The following ZNF48 variants were observed in gnomAD, a reference collection of about 807,000 sequenced individuals.
The protein encoded by ZNF48 is zinc finger protein 48.
A neutral mutation model predicts 40.0 loss-of-function variants in ZNF48; 20 were observed. The ratio of observed to expected loss-of-function variants is 0.50; its 90% CI spans 0.35 to 0.73. The LOEUF is 0.73. Ranked by LOEUF, ZNF48 falls within the 30% of genes least tolerant of loss-of-function variation. The pLI is 0.01. For synonymous variants in ZNF48, 298 were observed against 329.7 expected (o/e 0.90, Z 1.04); for missense variants, 726 against 851.9 (o/e 0.85, Z 1.84).
chr16:30,380,132 G>T, intron 1 of ZNF48: 1 of 953,900 alleles, frequency 1.0e-6, no homozygotes, highest in Non-Finnish European at 1.5e-6. Context: ...GGTGGTCAGA[G>T]ACAGAGAGAA....
Position 30,381,053 on chromosome 16 carries a change from A to T in ZNF48, c.-16+2643A>T. On this transcript the variant is annotated intron_variant, in intron 1 of 2. Transcript: ENST00000528032. This position sits in a 1 kb window ranked among gnomAD's most constrained non-coding sequence, Gnocchi z 4.3. The stretch of plus-strand genomic sequence containing the variant: ...CACCATGCTCCAGAAAGGCCACTTC[A>T]AGATCAAAGAAGTCTAAGCTGAAAT... The T allele has an allele frequency of 8.2e-7, 1 of 1,218,456 alleles. No individual in the cohort carries two copies. The highest frequency in any genetic ancestry group is 1.2e-6 in the Non-Finnish European group (1 of 820,026). 75.5% of individuals were successfully genotyped at this position (1,218,456 alleles called of 1,614,324 possible). A position where few individuals can be genotyped will look rare whatever the true frequency, so the allele number is the denominator to read the frequency against.
intron 1 of ZNF48, chr16:30,380,673 G>C (rs2049832133): frequency 1.1e-5 from 2 of 176,282 alleles, no homozygotes; most frequent in Non-Finnish European, 2.5e-5. Flanking sequence ...AAGAGGCTGA[G>C]GCAGGAGGAT....
upstream of ZNF48, among the ~76,000 whole-genome samples, chr16:30,392,468 T>C (rs2049950454): frequency 1.3e-5 from 2 of 152,162 alleles, no homozygotes; most frequent in Admixed American, 6.6e-5. Flanking sequence ...AGGTTTTCAA[T>C]TAGTATGTGG....
At chr16:30,388,991 T>C (rs1401356426) in intron 1 of ZNF48, among the ~76,000 whole-genome samples, 1 of 152,148 alleles carries the variant, frequency 6.6e-6, no homozygotes, top group African/African-American at 2.4e-5. Flanking sequence ...CCGGGTGTGG[T>C]GGCTCACGCC....
intron 1 of ZNF48, among the ~76,000 whole-genome samples, chr16:30,388,140 T>A (rs2049915705): frequency 6.6e-6 from 1 of 151,746 alleles, no homozygotes; most frequent in Admixed American, 6.6e-5. Context: ...TTGGCTAATT[T>A]TTTTTGTATT....
Position 30,398,703 on chromosome 16 carries a change from G to T in ZNF48, c.1453G>T (p.Gly485Cys). The T allele has an allele frequency of 6.2e-7, 1 of 1,613,546 alleles. No homozygotes were observed. Among genetic ancestry groups the T allele is most frequent in the Non-Finnish European group, 8.5e-7 (1 of 1,179,908 alleles). The change falls in exon 3 of 3, where the codon GGC (glycine) becomes TGC (cysteine). Residue 485 changes from glycine to cysteine, a missense_variant. Transcript: ENST00000613509. This position sits in a 1 kb window ranked among gnomAD's most constrained non-coding sequence, Gnocchi z 6.6. ...GAAACCCTACCTCTGTCCTGAATGC[G>T]GCAAGGGTTTTGCTGACAGCTCAGC... ...GEKPYLCPEC[G>C]KGFADSSARV...
upstream of ZNF48, chr16:30,395,362 C>T (rs999735195): frequency 1.1e-5 from 5 of 451,628 alleles, no homozygotes; most frequent in African/African-American, 8.0e-5. The surrounding 1 kb of genome is among the most constrained non-coding windows in gnomAD (Gnocchi z 5.9). Flanking sequence ...CCCACAGGCC[C>T]GCAGCTCCTC....
intron 1 of ZNF48, chr16:30,380,025 A>T: frequency 6.2e-7 from 1 of 1,610,460 alleles, no homozygotes. Context: ...CCTTCAACTG[A>T]TCCCGGATCT....
rs190568611 is a variant in ZNF48, at chr16:30,397,288, G to A, written c.80-42G>A. The A allele has an allele frequency of 6.1e-5, 95 of 1,551,998 alleles. No individual in the cohort carries two copies. Among genetic ancestry groups the A allele is most frequent in the Middle Eastern group, 1.8e-4 (1 of 5,706 alleles). On this transcript the variant is annotated intron_variant, in intron 2 of 2. Coordinates refer to ENST00000613509, the MANE Select transcript of ZNF48 (RefSeq NM_001214909.2). This position sits in a 1 kb window ranked among gnomAD's most constrained non-coding sequence, Gnocchi z 4.1. ...GAGGTTGCTGTCAAAGATAAGTACC[G>A]AGCCAAAGGGGAGGGTCTACAACTT...
At chr16:30,390,898 A>G (rs144297058), upstream of ZNF48, among the ~76,000 whole-genome samples, 1,133 of 151,706 alleles carry the variant, frequency 7.5e-3, 11 homozygotes, top group Non-Finnish European at 0.012. Context: ...TGCTGGGATT[A>G]CAGGCGTGAG....
At position 30,397,758 on chromosome 16, in the gene ZNF48, G is replaced by A; in HGVS notation, c.508G>A (p.Ala170Thr). ...TCATAGTGGGGAGAAGCCCTATAGA[G>A]CCCGGCCACCAGCCCAGGGTCCCCC... ...RTHSGEKPYR[A>T]RPPAQGPPKI... Residue 170 changes from alanine to threonine, a missense_variant, in exon 3 of 3, where the codon GCC (alanine) becomes ACC (threonine). Around this residue, in one of 5 missense-constraint regions of ZNF48, gnomAD observed 378 missense variants for 449.1 expected, o/e 0.84. Transcript: ENST00000613509. This position sits in a 1 kb window ranked among gnomAD's most constrained non-coding sequence, Gnocchi z 4.1. The A allele has an allele frequency of 6.2e-7, 1 of 1,613,530 alleles. No homozygotes were observed. Among genetic ancestry groups the A allele is most frequent in the South Asian group, 1.1e-5 (1 of 91,068 alleles).
Position 30,385,454 on chromosome 16 carries a change from G to A in ZNF48, c.-16+7044G>A, listed in dbSNP as rs1033169691. Among the ~76,000 whole-genome samples, 10 of 151,404 alleles carry A rather than the reference G, an allele frequency of 6.6e-5. 1 individual carries two copies. Among genetic ancestry groups the A allele is most frequent in the East Asian group, 3.9e-4 (2 of 5,116 alleles). ...ATCCTGGCCAACATGGTGAAACCCC[G>A]TCTCTACTAAAAATACAAAAATTAG... is the stretch of plus-strand genomic sequence containing the variant. On this transcript the variant is annotated intron_variant, in intron 1 of 2. Coordinates refer to the ZNF48 transcript ENST00000528032.
rs765950053 is a variant in ZNF48, at chr16:30,381,170, G to C, written c.-16+2760G>C. ...GGTTTCCTGGGGCATCAGAGCATCC[G>C]CTTTGCCAATGACTGGGATGATGTT... is the stretch of plus-strand genomic sequence containing the variant. On this transcript the variant is annotated intron_variant, in intron 1 of 2. Transcript: ENST00000528032. The surrounding 1 kb of genome is among the most constrained non-coding windows in gnomAD (Gnocchi z 4.3). 1.2e-6 allele frequency: 2 copies of C among 1,614,084 alleles called. No individual in the cohort carries two copies. The highest frequency in any genetic ancestry group is 1.7e-6 in the Non-Finnish European group (2 of 1,180,000).
At chr16:30,395,011 C>G (rs1046342671), upstream of ZNF48, 8 of 284,904 alleles carry the variant, frequency 2.8e-5, no homozygotes, top group East Asian at 5.7e-4. The surrounding 1 kb of genome is among the most constrained non-coding windows in gnomAD (Gnocchi z 5.9). Context: ...TTGTTTCCCA[C>G]GTCTCGGCGC....
In ZNF48 at chr16:30,382,248, G is replaced by T; in HGVS notation, c.-16+3838G>T. On this transcript the variant is annotated intron_variant, in intron 1 of 2. Transcript: ENST00000528032. The surrounding 1 kb of genome is among the most constrained non-coding windows in gnomAD (Gnocchi z 4.8). ...AGGGCCTCCTAAGGACATCCCCTCC[G>T]CAGTTCCCTCTCCAAAACCCCCAGA... 6.2e-7 allele frequency: 1 copy of T among 1,612,442 alleles called. No individual in the cohort carries two copies. The highest frequency in any genetic ancestry group is 8.5e-7 in the Non-Finnish European group (1 of 1,178,640).
Position 30,395,768 on chromosome 16 carries a change from C to A in ZNF48, c.-15-12C>A, listed in dbSNP as rs1280598404. On this transcript the variant is annotated splice_polypyrimidine_tract_variant and intron_variant, in intron 1 of 2. Coordinates refer to ENST00000613509, the MANE Select transcript of ZNF48 (RefSeq NM_001214909.2). The surrounding 1 kb of genome is among the most constrained non-coding windows in gnomAD (Gnocchi z 5.9). ...TGCGTGACCGCGGGATGCTGTCTGT[C>A]CCCTTGCTCAGGGCGGCGTGCCGGC... The A allele has an allele frequency of 2.6e-6, 4 of 1,516,942 alleles. No homozygotes were observed. The highest frequency in any genetic ancestry group is 2.6e-6 in the Non-Finnish European group (3 of 1,133,298). 94.0% of individuals were successfully genotyped at this position (1,516,942 alleles called of 1,614,324 possible).
At chr16:30,383,519 AG>A (rs1341273219) in intron 1 of ZNF48, among the ~76,000 whole-genome samples, 1 of 152,184 alleles carries the variant, frequency 6.6e-6, no homozygotes, top group African/African-American at 2.4e-5. Flanking sequence ...AAAAGAAAAA[AG>A]TGGACCAGAA....
In ZNF48 at chr16:30,398,045, C is replaced by A. The variant is rs1040491286; in HGVS notation, c.795C>A (p.Thr265=). The A allele has an allele frequency of 1.2e-6, 2 of 1,612,210 alleles. No individual in the cohort carries two copies. The highest frequency in any genetic ancestry group is 2.7e-5 in the African/African-American group (2 of 74,922). Residue 265 remains threonine (T), a synonymous_variant, in exon 3 of 3, where the codon ACC becomes ACA. Coordinates refer to ENST00000613509, the MANE Select transcript of ZNF48 (RefSeq NM_001214909.2). The surrounding 1 kb of genome is among the most constrained non-coding windows in gnomAD (Gnocchi z 6.6). ...RQPSRAATAA[T]QGPKAQDKPY... is the part of the protein sequence containing the mutation. ...CATCTCGGGCAGCCACGGCAGCTACCCAGGGACCGAAGGCCCAGGACAAGC... is the reference window on the plus strand; with the variant it reads ...CATCTCGGGCAGCCACGGCAGCTACACAGGGACCGAAGGCCCAGGACAAGC...
rs1364219321 is a variant in ZNF48 at position 30,381,087 on chromosome 16, G to A, written c.-16+2677G>A. ...GAAGTCTAAGCTGAAATCAGGTTTG[G>A]CTTCACATGGGGTCAAAGGTCAGAG... On this transcript the variant is annotated intron_variant, in intron 1 of 2. Transcript: ENST00000528032. This position sits in a 1 kb window ranked among gnomAD's most constrained non-coding sequence, Gnocchi z 4.3. 3.4e-6 allele frequency: 5 copies of A among 1,486,136 alleles called. No individual in the cohort carries two copies. Among genetic ancestry groups the A allele is most frequent in the Non-Finnish European group, 4.7e-6 (5 of 1,063,016 alleles). The allele number at this position is 1,486,136 out of a possible 1,614,324, so 92.1% of individuals were successfully genotyped here. A position where few individuals can be genotyped will look rare whatever the true frequency, so the allele number is the denominator to read the frequency against.
Sources: gnomAD v4.1 joint callset for allele counts (sites outside exome capture counted in the v4.1 genomes callset) on GRCh38, gnomAD v4.1.1 for gene constraint, gnomAD v4.1.1 regional missense constraint, Gnocchi (gnomAD v3.1) non-coding constraint, MANE v1.5 for transcripts, NCBI Gene and HGNC (gene_info 2026-07-23, HGNC 2026-07-21) for gene names.